Variants in MARCHF8 observed in about 807,000 individuals in gnomAD.
MARCHF8 encodes E3 ubiquitin-protein ligase MARCHF8.
Under a neutral mutation model 51.6 loss-of-function variants are expected in MARCHF8, and 40 were observed. That is an observed-to-expected ratio of 0.77 (90% CI 0.60 to 1.01). MARCHF8 has a LOEUF of 1.01. Among genes scored for constraint, MARCHF8 ranks in the 50% least tolerant of loss-of-function variants. The probability of loss-of-function intolerance (pLI) is 0.00; values close to 1 mark genes in which losing one functional copy is unlikely to be tolerated. For synonymous variants in MARCHF8, 263 were observed against 280.3 expected (o/e 0.94, Z 0.62); for missense variants, 685 against 708.6 (o/e 0.97, Z 0.38).
chr10:45,522,286 C>T (rs962917303), intron 2 of MARCHF8, among the ~76,000 whole-genome samples: 11 of 152,102 alleles, frequency 7.2e-5, no homozygotes, highest in African/African-American at 2.4e-4. Context: ...GCCACTGAGG[C>T]CTGAAGGACA....
chr10:45,468,125 T>G (rs1305092748), intron 3 of MARCHF8, among the ~76,000 whole-genome samples: 2 of 152,260 alleles, frequency 1.3e-5, no homozygotes, highest in African/African-American at 4.8e-5. Flanking sequence ...TTTGTTTTGC[T>G]ACATCCAAGT....
intron 2 of MARCHF8, among the ~76,000 whole-genome samples, chr10:45,491,229 T>C (rs2043074604): frequency 6.6e-6 from 1 of 152,158 alleles, no homozygotes. Flanking sequence ...TAGTAAATTA[T>C]AAAGTATGCT....
chr10:45,510,678 AC>A (rs1166880769), intron 2 of MARCHF8, among the ~76,000 whole-genome samples: 6 of 152,200 alleles, frequency 3.9e-5, no homozygotes, highest in Non-Finnish European at 8.8e-5. Flanking sequence ...ATCTGTTTCC[AC>A]CACTGCTTTC....
chr10:45,512,917 GACCTTACCCCC>G (rs2043555237), intron 2 of MARCHF8, among the ~76,000 whole-genome samples: 1 of 151,950 alleles, frequency 6.6e-6, no homozygotes, highest in Admixed American at 6.5e-5. Context: ...GTTGATCGGT[GACCTTACCCCC>G]AACCCTGTGC....
At chr10:45,552,020 A>C (rs1404389160) in intron 1 of MARCHF8, among the ~76,000 whole-genome samples, 1 of 152,156 alleles carries the variant, frequency 6.6e-6, no homozygotes, top group Non-Finnish European at 1.5e-5. Context: ...CAATTCCTAC[A>C]GTCTTCTGTA....
In MARCHF8 at chr10:45,464,313, C is replaced by T. The variant is rs144987022; in HGVS notation, c.168G>A (p.Pro56=). 32 of 1,614,020 alleles carry T rather than the reference C, an allele frequency of 2.0e-5. No individual in the cohort carries two copies. Among genetic ancestry groups the T allele is most frequent in the Middle Eastern group, 1.6e-4 (1 of 6,084 alleles). The change falls in exon 4 of 8, where the codon CCG becomes CCA. Residue 56 remains proline, a synonymous_variant. Transcript: ENST00000453424. ...ACACCGGAGCCGGAGCTGATGCTGACGGAGGACTCCCAGCCTGCAATGACA... is the reference window on the plus strand; with the variant it reads ...ACACCGGAGCCGGAGCTGATGCTGATGGAGGACTCCCAGCCTGCAATGACA... The part of the protein sequence containing the change: ...SSNISKAGSP[P]SASAPAPVSS...
intron 1 of MARCHF8, among the ~76,000 whole-genome samples, chr10:45,550,885 A>C (rs1396922586): frequency 6.6e-6 from 1 of 152,250 alleles, no homozygotes; most frequent in Non-Finnish European, 1.5e-5. Context: ...GTCACATTAA[A>C]AACAGTCCTT....
chr10:45,486,746 C>T (rs1030707204), intron 3 of MARCHF8, among the ~76,000 whole-genome samples: 4 of 151,354 alleles, frequency 2.6e-5, no homozygotes, highest in African/African-American at 9.7e-5. Flanking sequence ...CCCCATGGTT[C>T]CATGCAAATG....
At chr10:45,580,368 G>T (rs2044541439) in intron 1 of MARCHF8, among the ~76,000 whole-genome samples, 1 of 151,984 alleles carries the variant, frequency 6.6e-6, no homozygotes, top group Non-Finnish European at 1.5e-5. Context: ...GTTTGAAAAT[G>T]AAAATAAGTA....
At chr10:45,587,703 AGAT>A (rs1333722592) in intron 1 of MARCHF8, among the ~76,000 whole-genome samples, 1 of 152,182 alleles carries the variant, frequency 6.6e-6, no homozygotes, top group Non-Finnish European at 1.5e-5. Flanking sequence ...TTATAGATAA[AGAT>A]AATATGGTAC....
intron 1 of MARCHF8, among the ~76,000 whole-genome samples, chr10:45,561,864 G>A (rs1006543289): frequency 2.9e-5 from 4 of 136,150 alleles, no homozygotes; most frequent in African/African-American, 1.1e-4. Context: ...TGGAGCCTCT[G>A]CACTCCAGCC....
chr10:45,565,982 T>C (rs1370484128), intron 1 of MARCHF8, among the ~76,000 whole-genome samples: 1 of 152,180 alleles, frequency 6.6e-6, no homozygotes, highest in Non-Finnish European at 1.5e-5. Context: ...AATACATGTA[T>C]TTTCTCCATT....
rs12784889 is a variant in MARCHF8 at position 45,560,775 on chromosome 10, A to G, written c.-78-27486T>C. 3.7e-3 allele frequency among the ~76,000 whole-genome samples: 570 copies of G among 152,334 alleles called. 1 individual carries two copies. Among genetic ancestry groups the G allele is most frequent in the Non-Finnish European group, 6.6e-3 (447 of 68,034 alleles). On this transcript the variant is annotated intron_variant, in intron 1 of 6. Transcript: ENST00000319836. Reference sequence around the variant, plus strand: ...AGAGAACAGCAGAAATGCAATAAGCAGTAAGTGTAGCTGCTCCCTAGAACT... The same window carrying G: ...AGAGAACAGCAGAAATGCAATAAGCGGTAAGTGTAGCTGCTCCCTAGAACT...
chr10:45,532,569 T>C (rs1160950495), intron 2 of MARCHF8, among the ~76,000 whole-genome samples: 2 of 152,218 alleles, frequency 1.3e-5, no homozygotes, highest in African/African-American at 2.4e-5. Flanking sequence ...CTCTATGCCA[T>C]GTGAGGACAC....
At chr10:45,576,264 T>C (rs550022185) in intron 1 of MARCHF8, among the ~76,000 whole-genome samples, 1 of 152,328 alleles carries the variant, frequency 6.6e-6, no homozygotes, top group African/African-American at 2.4e-5. Context: ...AATGGGGAAT[T>C]GCTTTTCAAC....
chr10:45,479,514 C>A (rs755186827), intron 3 of MARCHF8, among the ~76,000 whole-genome samples: 1 of 152,146 alleles, frequency 6.6e-6, no homozygotes, highest in Admixed American at 6.5e-5. Context: ...TCCCATAATT[C>A]CCACAGGTTG....
At chr10:45,537,019 T>G (rs148464973), upstream of MARCHF8, among the ~76,000 whole-genome samples, 44 of 152,280 alleles carry the variant, frequency 2.9e-4, no homozygotes, top group East Asian at 8.3e-3. Context: ...GTTGTGACAC[T>G]GAAACCCTCA....
intron 1 of MARCHF8, among the ~76,000 whole-genome samples, chr10:45,589,579 C>A (rs1454081623): frequency 1.3e-5 from 2 of 152,108 alleles, no homozygotes; most frequent in East Asian, 3.9e-4. Flanking sequence ...CCACCCCCTA[C>A]CCCAACACCA....
At chr10:45,489,969 T>A (rs899120368) in intron 2 of MARCHF8, among the ~76,000 whole-genome samples, 1 of 152,244 alleles carries the variant, frequency 6.6e-6, no homozygotes. Context: ...CAGGGAAATC[T>A]GGGAGCCATG....
Sources: gnomAD v4.1 joint callset for allele counts (sites outside exome capture counted in the v4.1 genomes callset) on GRCh38, gnomAD v4.1.1 for gene constraint, MANE v1.5 for transcripts, NCBI Gene and HGNC (gene_info 2026-07-23, HGNC 2026-07-21) for gene names.